Variants in LZTFL1 observed in about 807,000 individuals in gnomAD.
LZTFL1 encodes leucine zipper transcription factor-like protein 1.
Under a neutral mutation model 45.9 loss-of-function variants are expected in LZTFL1, and 25 were observed. The observed-to-expected ratio is 0.54, with a 90% CI of 0.40 to 0.76. The LOEUF is 0.76. Ranked by LOEUF, LZTFL1 falls within the 30% of genes least tolerant of loss-of-function variation. The probability of loss-of-function intolerance (pLI) is 0.00; values close to 1 mark genes in which losing one functional copy is unlikely to be tolerated. For missense variants in LZTFL1, 277 were observed against 331.1 expected (o/e 0.84, Z 1.27); for synonymous variants, 93 against 117.4 (o/e 0.79, Z 1.35).
exon 1 of LZTFL1, chr3:45,915,463 TCTC>T (rs1559432959): frequency 4.4e-6 from 2 of 454,690 alleles, no homozygotes. Flanking sequence ...GGCTTCCTTC[TCTC>T]CTCCGAGGCT....
chr3:45,845,793 A>C (rs1163315337), upstream of LZTFL1, among the ~76,000 whole-genome samples: 1 of 152,202 alleles, frequency 6.6e-6, no homozygotes, highest in African/African-American at 2.4e-5. Context: ...TTGCCTACAA[A>C]GCTGGGGCTG....
At chr3:45,878,852 G>C (rs989312372) in intron 2 of LZTFL1, among the ~76,000 whole-genome samples, 1 of 152,308 alleles carries the variant, frequency 6.6e-6, no homozygotes, top group South Asian at 2.1e-4. Context: ...AGGCTGAGGC[G>C]GGCAGATCAC....
intron 2 of LZTFL1, among the ~76,000 whole-genome samples, chr3:45,899,233 A>C (rs1190393280): frequency 6.6e-6 from 1 of 152,218 alleles, no homozygotes; most frequent in African/African-American, 2.4e-5. Flanking sequence ...TGTGCTCAGG[A>C]GTATTGTGAA....
intron 2 of LZTFL1, among the ~76,000 whole-genome samples, chr3:45,862,652 TGTAA>T (rs1375955587): frequency 6.6e-6 from 1 of 152,236 alleles, no homozygotes; most frequent in Non-Finnish European, 1.5e-5. Context: ...TCTTACTTGC[TGTAA>T]GTAAGAAAAA....
intron 2 of LZTFL1, among the ~76,000 whole-genome samples, chr3:45,865,049 C>G (rs566927205): frequency 3.3e-4 from 50 of 152,272 alleles, no homozygotes; most frequent in Admixed American, 1.4e-3. Context: ...AGCTGTCACA[C>G]CTTGTGGCCA....
At chr3:45,876,398 G>A (rs930637796) in intron 2 of LZTFL1, among the ~76,000 whole-genome samples, 3 of 152,176 alleles carry the variant, frequency 2.0e-5, no homozygotes, top group Non-Finnish European at 2.9e-5. Context: ...CTTTGGCACC[G>A]TGTGGGTGCC....
rs1175262090 is a variant in LZTFL1, at chr3:45,878,146, C to T, written c.-214-19130G>A. Among the ~76,000 whole-genome samples the T allele has an allele frequency of 2.0e-5, 3 of 152,108 alleles. No individual in the cohort carries two copies. In the East Asian group the frequency reaches 5.8e-4, roughly 29 times the overall value. ...ATTAAATTAAGCTAATTAGTATTTT[C>T]CTCACCTCACCTACTCATTTTTCTT... On this transcript the variant is annotated intron_variant, in intron 2 of 4. Coordinates refer to the LZTFL1 transcript ENST00000472635.
At chr3:45,897,919 T>C (rs564091397) in intron 2 of LZTFL1, among the ~76,000 whole-genome samples, 4 of 150,846 alleles carry the variant, frequency 2.7e-5, no homozygotes, top group Non-Finnish European at 5.9e-5. Flanking sequence ...CTGCTTGCGA[T>C]TTGCTTCACA....
chr3:45,868,429 G>C (rs1701613857), intron 2 of LZTFL1, among the ~76,000 whole-genome samples: 1 of 152,058 alleles, frequency 6.6e-6, no homozygotes, highest in Admixed American at 6.5e-5. Context: ...CCAAGTTCTG[G>C]TTCTAGATTC....
At chr3:45,841,811 T>C (rs1701124190) in intron 1 of LZTFL1, 178 bp downstream of exon 1, 1 of 765,808 alleles carries the variant, frequency 1.3e-6, no homozygotes, top group Non-Finnish European at 2.1e-6. Context: ...CCAGAAGGGC[T>C]TGGGCTGCGG....
chr3:45,914,471 C>T (rs1283512499), intron 1 of LZTFL1, among the ~76,000 whole-genome samples: 1 of 151,902 alleles, frequency 6.6e-6, no homozygotes, highest in Non-Finnish European at 1.5e-5. Flanking sequence ...ACGGGGTCTC[C>T]CTATGTTATG....
At chr3:45,879,312 T>C (rs1470051692) in intron 2 of LZTFL1, among the ~76,000 whole-genome samples, 1 of 152,198 alleles carries the variant, frequency 6.6e-6, no homozygotes, top group East Asian at 1.9e-4. Context: ...CAGACAATAG[T>C]TTATGTTATT....
chr3:45,824,661 G>C lies in LZTFL1; in HGVS notation c.*1653C>G. 1 of 395,816 alleles carries C rather than the reference G, an allele frequency of 2.5e-6. No individual in the cohort carries two copies. The highest frequency in any genetic ancestry group is 2.1e-5 in the African/African-American group (1 of 48,678). The allele number at this position is 395,816 out of a possible 1,614,324, so 24.5% of individuals were successfully genotyped here. ...CCTCACTGGTTTCAAACTGACAAAG[G>C]TGTAGGGAGAAAATAATTGAATGGT... On this transcript the variant is annotated 3_prime_UTR_variant, in exon 10 of 10. Transcript: ENST00000296135.
At chr3:45,856,516 A>G (rs1473332893) in intron 3 of LZTFL1, among the ~76,000 whole-genome samples, 1 of 152,160 alleles carries the variant, frequency 6.6e-6, no homozygotes, top group Non-Finnish European at 1.5e-5. Flanking sequence ...AACCACAACA[A>G]AAGCAAAAAT....
Position 45,834,236 on chromosome 3 carries a change from A to C in LZTFL1, c.384+2T>G. On this transcript the variant is annotated splice_donor_variant, in intron 4 of 9. Coordinates refer to ENST00000296135, the MANE Select transcript of LZTFL1 (RefSeq NM_020347.4). LOFTEE classifies it high-confidence loss of function. ...ATGGATTTAGAATGACCAAAAAGTT[A>C]CCTTTTTGTTTGAAGATGTAATCTC... 1 of 1,578,316 alleles carries C rather than the reference A, an allele frequency of 6.3e-7. No homozygotes were observed. Among genetic ancestry groups the C allele is most frequent in the Non-Finnish European group, 8.7e-7 (1 of 1,150,648 alleles).
chr3:45,829,744 T>C (rs1419330325), intron 7 of LZTFL1, among the ~76,000 whole-genome samples: 1 of 152,168 alleles, frequency 6.6e-6, no homozygotes. Context: ...TGTTCTTGTG[T>C]CCAAAATCTT....
intron 2 of LZTFL1, among the ~76,000 whole-genome samples, chr3:45,867,147 C>CAAAAAAA (rs58937842): frequency 4.7e-5 from 3 of 63,250 alleles, no homozygotes; most frequent in African/African-American, 6.2e-5. Flanking sequence ...GACTCAATCT[C>CAAAAAAA]AAAAAAAAAA....
rs1702835180 is a variant in LZTFL1, at chr3:45,913,237, C to A, written c.-272-60G>T. ...GCTACTATTGTTACTATTAACAAAC[C>A]AGTGCTGCAATGAGCTGATCTTTCT... On this transcript the variant is annotated intron_variant, in intron 1 of 4. Coordinates refer to the LZTFL1 transcript ENST00000472635. 2.5e-6 allele frequency: 3 copies of A among 1,210,808 alleles called. No individual in the cohort carries two copies. In the South Asian group the frequency reaches 3.9e-5, roughly 16 times the overall value. 75.0% of individuals were successfully genotyped at this position (1,210,808 alleles called of 1,614,324 possible). A position where few individuals can be genotyped will look rare whatever the true frequency, so the allele number is the denominator to read the frequency against.
chr3:45,863,209 T>G (rs1304113783), intron 2 of LZTFL1, among the ~76,000 whole-genome samples: 1 of 152,206 alleles, frequency 6.6e-6, no homozygotes, highest in Non-Finnish European at 1.5e-5. Context: ...GTAGGAACTA[T>G]ATTTCAAGGT....
Sources: gnomAD v4.1 joint callset for allele counts (sites outside exome capture counted in the v4.1 genomes callset) on GRCh38, gnomAD v4.1.1 for gene constraint, MANE v1.5 for transcripts, NCBI Gene and HGNC (gene_info 2026-07-23, HGNC 2026-07-21) for gene names.